The following GRID1 variants were observed in gnomAD, a reference collection of about 807,000 sequenced individuals.
GRID1 encodes the protein glutamate ionotropic receptor delta type subunit 1, also known as glutamate receptor ionotropic, delta-1.
GRID1 carries 28 observed loss-of-function variants against 98.0 expected under a neutral mutation model. The ratio of observed to expected loss-of-function variants is 0.29; its 90% CI spans 0.21 to 0.39. The LOEUF (loss-of-function observed/expected upper bound fraction) is 0.39, where lower values mean the gene tolerates loss of function less well. GRID1 is among the 10% of genes least tolerant of loss of function. The probability of loss-of-function intolerance (pLI) is 1.00; values close to 1 mark genes in which losing one functional copy is unlikely to be tolerated. For synonymous variants in GRID1, 553 were observed against 538.5 expected, an observed-to-expected ratio of 1.03 and a Z score of -0.37; for missense variants, 1,111 against 1,340.5, an observed-to-expected ratio of 0.83 and a Z score of 2.67.
chr10:86,033,869 T>C (rs1029539900), intron 4 of GRID1, among the ~76,000 whole-genome samples: 1 of 152,182 alleles, frequency 6.6e-6, no homozygotes, highest in African/African-American at 2.4e-5. Context: ...GCATTCCCCC[T>C]GAGTTAAGGA....
intron 4 of GRID1, among the ~76,000 whole-genome samples, chr10:85,970,633 AAAC>A (rs576855220): frequency 6.5e-4 from 99 of 152,192 alleles, no homozygotes; most frequent in African/African-American, 2.3e-3. Context: ...TCATGATTAA[AAAC>A]AACAACAACA....
rs572314022 is a variant in GRID1, at chr10:85,971,491, A to C, written c.727-55252T>G. Among the ~76,000 whole-genome samples, 57 of 134,942 alleles carry C rather than the reference A, an allele frequency of 4.2e-4. 1 individual carries two copies. The highest frequency in any genetic ancestry group is 1.8e-3 in the African/African-American group (46 of 25,516). The allele number at this position is 134,942 out of a possible 152,430, so 88.5% of individuals were successfully genotyped here. A position where few individuals can be genotyped will look rare whatever the true frequency, so the allele number is the denominator to read the frequency against. ...TTTAAAAATTATCCTGTAAATCAAAAAGAAAAAGTCCAACAACCCAATTGA... is the reference window on the plus strand; with the variant it reads ...TTTAAAAATTATCCTGTAAATCAAACAGAAAAAGTCCAACAACCCAATTGA... On this transcript the variant is annotated intron_variant, in intron 4 of 15. Transcript: ENST00000327946.
chr10:86,038,116 C>T (rs1308542082), intron 4 of GRID1, among the ~76,000 whole-genome samples: 1 of 152,078 alleles, frequency 6.6e-6, no homozygotes, highest in Admixed American at 6.5e-5. Flanking sequence ...TCAGGAGAAA[C>T]CAACCCTGCC....
At chr10:86,321,423 C>A (rs1247562165) in intron 2 of GRID1, among the ~76,000 whole-genome samples, 1 of 152,134 alleles carries the variant, frequency 6.6e-6, no homozygotes, top group African/African-American at 2.4e-5. Context: ...AAATCCATAG[C>A]AGTGCTGAAA....
chr10:86,183,104 GGTCT>G (rs1379004312), intron 3 of GRID1, among the ~76,000 whole-genome samples: 1 of 151,958 alleles, frequency 6.6e-6, no homozygotes, highest in Admixed American at 6.5e-5. Context: ...GCTTCTTTGC[GGTCT>G]TTCTTTCCCT....
At chr10:85,720,839 C>T (rs982609008) in intron 12 of GRID1, among the ~76,000 whole-genome samples, 8 of 151,998 alleles carry the variant, frequency 5.3e-5, no homozygotes, top group Admixed American at 1.3e-4. Flanking sequence ...AAGCGTGATT[C>T]GTGAAATAAA....
intron 3 of GRID1, among the ~76,000 whole-genome samples, chr10:86,165,523 C>T (rs1201341872): frequency 6.6e-6 from 1 of 152,178 alleles, no homozygotes; most frequent in East Asian, 1.9e-4. Flanking sequence ...GGGCTGAGGG[C>T]CCACCCCTGC....
chr10:85,692,817 A>G (rs919619432), intron 12 of GRID1, among the ~76,000 whole-genome samples: 5 of 152,222 alleles, frequency 3.3e-5, no homozygotes, highest in African/African-American at 1.2e-4. Context: ...GAAAAATTCA[A>G]ACACTTGACT....
intron 4 of GRID1, among the ~76,000 whole-genome samples, chr10:86,031,429 C>A (rs1454001289): frequency 2.0e-5 from 3 of 152,040 alleles, no homozygotes; most frequent in East Asian, 3.8e-4. Context: ...GGAGGAGGGT[C>A]AAGGGTTGAA....
chr10:85,705,096 A>T (rs555914506), intron 12 of GRID1, among the ~76,000 whole-genome samples: 19 of 152,230 alleles, frequency 1.2e-4, no homozygotes, highest in Non-Finnish European at 2.5e-4. Context: ...AAAAGCTAAC[A>T]GAAGGCAAGA....
At chr10:86,156,106 G>A (rs1027135203) in intron 3 of GRID1, among the ~76,000 whole-genome samples, 1 of 152,202 alleles carries the variant, frequency 6.6e-6, no homozygotes, top group East Asian at 1.9e-4. Flanking sequence ...CATGTAAATG[G>A]TAGGAGAGCC....
intron 4 of GRID1, among the ~76,000 whole-genome samples, chr10:86,044,088 C>T (rs1261786456): frequency 6.6e-6 from 1 of 152,120 alleles, no homozygotes; most frequent in African/African-American, 2.4e-5. Context: ...TTACCAAGCC[C>T]CCACACAGAA....
intron 4 of GRID1, among the ~76,000 whole-genome samples, chr10:86,004,123 G>T (rs1842832259): frequency 6.6e-6 from 1 of 152,088 alleles, no homozygotes; most frequent in Admixed American, 6.5e-5. Context: ...GAACAGACAG[G>T]GTAAGTAACT....
chr10:86,003,697 A>G (rs1261060382), intron 4 of GRID1, among the ~76,000 whole-genome samples: 4 of 152,248 alleles, frequency 2.6e-5, no homozygotes, highest in African/African-American at 9.6e-5. Flanking sequence ...CCAATGGCCA[A>G]TGGGTACCTA....
intron 12 of GRID1, among the ~76,000 whole-genome samples, chr10:85,695,973 A>G (rs1276271511): frequency 6.6e-6 from 1 of 152,166 alleles, no homozygotes; most frequent in African/African-American, 2.4e-5. Flanking sequence ...GACATGTCTG[A>G]CACCAAGAAG....
intron 3 of GRID1, among the ~76,000 whole-genome samples, chr10:86,197,199 G>A (rs550686661): frequency 2.0e-5 from 3 of 151,754 alleles, no homozygotes; most frequent in South Asian, 2.1e-4. Context: ...AAGGCCCCAC[G>A]GGACAGATGG....
intron 3 of GRID1, among the ~76,000 whole-genome samples, chr10:86,171,267 G>A (rs1275476983): frequency 1.3e-5 from 2 of 152,230 alleles, no homozygotes; most frequent in Admixed American, 1.3e-4. Flanking sequence ...CTAGGGAAGG[G>A]ACCTGGGGCA....
chr10:85,802,711 T>A (rs1788508675), intron 8 of GRID1, among the ~76,000 whole-genome samples: 1 of 148,550 alleles, frequency 6.7e-6, no homozygotes, highest in South Asian at 2.1e-4. Context: ...CAGAAATAAA[T>A]ATACAAAAAA....
intron 13 of GRID1, among the ~76,000 whole-genome samples, chr10:85,638,920 T>C (rs1352782895): frequency 6.6e-6 from 1 of 152,136 alleles, no homozygotes. Context: ...CAACCAAAAA[T>C]ACTGGCAACA....
Sources: gnomAD v4.1 joint callset for allele counts (sites outside exome capture counted in the v4.1 genomes callset) on GRCh38, gnomAD v4.1.1 for gene constraint, MANE v1.5 for transcripts, NCBI Gene and HGNC (gene_info 2026-07-23, HGNC 2026-07-21) for gene names.